Variants in SYNPR observed in about 807,000 individuals in gnomAD.
The protein encoded by SYNPR is synaptoporin.
SYNPR carries 23 observed loss-of-function variants against 32.9 expected under a neutral mutation model. The observed-to-expected ratio is 0.70, with a 90% CI of 0.50 to 0.99. SYNPR has a LOEUF of 0.99. Among genes scored for constraint, SYNPR ranks in the 50% least tolerant of loss-of-function variants. SYNPR has a pLI of 0.00. For missense variants in SYNPR, 318 were observed against 349.3 expected, an observed-to-expected ratio of 0.91 and a Z score of 0.71; for synonymous variants, 146 against 135.9, an observed-to-expected ratio of 1.07 and a Z score of -0.52.
chr3:63,417,508 G>A (rs920368826), intron 2 of SYNPR, among the ~76,000 whole-genome samples: 1 of 152,234 alleles, frequency 6.6e-6, no homozygotes, highest in African/African-American at 2.4e-5. Context: ...CTAGGCAGTG[G>A]CCTAGTAGGG....
At chr3:63,373,232 G>A (rs1216132345) in intron 2 of SYNPR, among the ~76,000 whole-genome samples, 1 of 152,082 alleles carries the variant, frequency 6.6e-6, no homozygotes. Flanking sequence ...AGGCTGAAAT[G>A]GCTGAAATGA....
rs577492018 is a variant in SYNPR at position 63,413,995 on chromosome 3, T to C, written c.85-66837T>C. ...CCCCAAGAGGAGAGGGAAAAAAATA[T>C]ATAAATATATATACATATATATATA... On this transcript the variant is annotated intron_variant, in intron 2 of 5. Transcript: ENST00000478300. Among the ~76,000 whole-genome samples the C allele has an allele frequency of 4.0e-5, 6 of 150,834 alleles. No homozygotes were observed. In the South Asian group the frequency reaches 1.3e-3, roughly 31 times the overall value.
intron 2 of SYNPR, among the ~76,000 whole-genome samples, chr3:63,409,756 G>T (rs932230828): frequency 6.6e-6 from 1 of 152,058 alleles, no homozygotes; most frequent in Non-Finnish European, 1.5e-5. Context: ...GAAAAGTTAA[G>T]GCCATCATTT....
intron 2 of SYNPR, among the ~76,000 whole-genome samples, chr3:63,360,721 TG>T (rs2087646305): frequency 6.6e-6 from 1 of 152,218 alleles, no homozygotes; most frequent in East Asian, 1.9e-4. Flanking sequence ...GTCTGGCCAC[TG>T]ATATTCACAT....
In SYNPR at chr3:63,609,176, G is replaced by C; in HGVS notation, c.460G>C (p.Ala154Pro). ...FSFLWLVGSS[A>P]WAKGLSDVKV... ...GTTCTTGTGGTTGGTGGGTTCATCA[G>C]CTTGGGCAAAAGGACTGTCTGACGT... Residue 154 changes from alanine to proline, a missense_variant, in exon 5 of 6, where the codon GCT (alanine) becomes CCT (proline). Physicochemically the swap from Ala to Pro is conservative, Grantham distance 27. Transcript: ENST00000478300. 6.2e-7 allele frequency: 1 copy of C among 1,611,504 alleles called. No individual in the cohort carries two copies. Among genetic ancestry groups the C allele is most frequent in the Non-Finnish European group, 8.5e-7 (1 of 1,178,802 alleles).
intron 2 of SYNPR, among the ~76,000 whole-genome samples, chr3:63,327,618 A>G (rs1260065845): frequency 2.0e-5 from 3 of 152,178 alleles, no homozygotes; most frequent in Non-Finnish European, 2.9e-5. Flanking sequence ...AGAATGGACA[A>G]ACTATGAGTT....
chr3:63,521,405 G>C lies in SYNPR; in HGVS notation c.210-35138G>C, dbSNP rs1701911660. Among the ~76,000 whole-genome samples, 4 of 152,198 alleles carry C rather than the reference G, an allele frequency of 2.6e-5. No individual in the cohort carries two copies. The South Asian group carries it at 8.3e-4, about 32-fold the overall frequency. ...CCAACTCTATGCTGTTAATAATAGA[G>C]CTTGTTAACATTTACTGAGTGCGTG... On this transcript the variant is annotated intron_variant, in intron 3 of 5. Transcript: ENST00000478300.
chr3:63,611,057 C>G (rs1464550901), intron 5 of SYNPR, among the ~76,000 whole-genome samples: 15 of 152,208 alleles, frequency 9.9e-5, no homozygotes, highest in Admixed American at 9.2e-4. Flanking sequence ...AACCAATCCT[C>G]ATATCCCTAA....
intron 2 of SYNPR, among the ~76,000 whole-genome samples, chr3:63,324,175 C>G (rs1375910233): frequency 6.6e-6 from 1 of 151,894 alleles, no homozygotes; most frequent in Non-Finnish European, 1.5e-5. Flanking sequence ...AACTCAATCC[C>G]TACAACAGTT....
chr3:63,378,228 A>G (rs1232594291), intron 2 of SYNPR, among the ~76,000 whole-genome samples: 1 of 151,978 alleles, frequency 6.6e-6, no homozygotes, highest in Non-Finnish European at 1.5e-5. Context: ...ATACAGTGGG[A>G]AAGGTATTTC....
At chr3:63,394,237 C>A (rs1323066710) in intron 2 of SYNPR, among the ~76,000 whole-genome samples, 1 of 152,154 alleles carries the variant, frequency 6.6e-6, no homozygotes, top group Non-Finnish European at 1.5e-5. Flanking sequence ...AGTCTCTTAA[C>A]CTCTTTTAAT....
chr3:63,580,372 G>A (rs1175265375), intron 4 of SYNPR, among the ~76,000 whole-genome samples: 2 of 152,142 alleles, frequency 1.3e-5, no homozygotes, highest in Non-Finnish European at 2.9e-5. Context: ...TTTCCTCATA[G>A]CAATACAAAT....
intron 3 of SYNPR, 101 bp downstream of exon 3, chr3:63,481,057 A>G: frequency 6.8e-7 from 1 of 1,471,252 alleles, no homozygotes; most frequent in African/African-American, 1.4e-5. Context: ...ACTTCTGGGT[A>G]AACAGAAAGT....
intron 4 of SYNPR, among the ~76,000 whole-genome samples, chr3:63,592,985 A>G (rs1334535593): frequency 6.6e-6 from 1 of 152,104 alleles, no homozygotes; most frequent in Non-Finnish European, 1.5e-5. Flanking sequence ...CTACTTAGAA[A>G]GAATTGAAAT....
chr3:63,290,742 A>G (rs756088858), intron 2 of SYNPR, among the ~76,000 whole-genome samples: 1 of 152,212 alleles, frequency 6.6e-6, no homozygotes, highest in Non-Finnish European at 1.5e-5. Flanking sequence ...TCCATCATGG[A>G]TGATGGAGAA....
intron 2 of SYNPR, among the ~76,000 whole-genome samples, chr3:63,472,060 C>T (rs768221356): frequency 7.2e-5 from 11 of 152,194 alleles, no homozygotes; most frequent in East Asian, 1.9e-4. Context: ...AGGCACAGTA[C>T]GTGAGCTACC....
At chr3:63,478,857 C>G (rs1575665895) in intron 2 of SYNPR, among the ~76,000 whole-genome samples, 1 of 152,072 alleles carries the variant, frequency 6.6e-6, no homozygotes, top group East Asian at 1.9e-4. Context: ...TTGACGTGGC[C>G]CAAAGGGTTG....
At chr3:63,434,398 A>G (rs1042199035) in intron 2 of SYNPR, among the ~76,000 whole-genome samples, 1 of 152,112 alleles carries the variant, frequency 6.6e-6, no homozygotes, top group Admixed American at 6.5e-5. Flanking sequence ...TTCCCATTTT[A>G]TAGGTGAATA....
chr3:63,615,377 T>C lies in SYNPR; in HGVS notation c.754T>C (p.Tyr252His), dbSNP rs762349089. ...TCAAGGTGGTTACAACCAAGACAGC[T>C]ATGGATCAAGCAGTGGGTACAGTCA... ...YNQGGYNQDS[Y>H]GSSSGYSQQA... Residue 252 changes from tyrosine (Y) to histidine (H), a missense_variant, in exon 6 of 6, where the codon TAT (tyrosine) becomes CAT (histidine). Physicochemically the swap from Tyr to His is moderately conservative, Grantham distance 83. Coordinates refer to ENST00000478300, the MANE Select transcript of SYNPR (RefSeq NM_001130003.2). 6.2e-7 allele frequency: 1 copy of C among 1,613,936 alleles called. No individual in the cohort carries two copies. Among genetic ancestry groups the C allele is most frequent in the South Asian group, 1.1e-5 (1 of 91,062 alleles).
Sources: gnomAD v4.1 joint callset for allele counts (sites outside exome capture counted in the v4.1 genomes callset) on GRCh38, gnomAD v4.1.1 for gene constraint, MANE v1.5 for transcripts, NCBI Gene and HGNC (gene_info 2026-07-23, HGNC 2026-07-21) for gene names.